The following PPARGC1A variants were observed in gnomAD, a reference collection of about 807,000 sequenced individuals.
PPARGC1A encodes peroxisome proliferator-activated receptor gamma coactivator 1-alpha.
A neutral mutation model predicts 88.7 loss-of-function variants in PPARGC1A; 25 were observed. The observed-to-expected ratio is 0.28, with a 90% CI of 0.21 to 0.39. The LOEUF is 0.39. Ranked by LOEUF, PPARGC1A falls within the 10% of genes least tolerant of loss-of-function variation. The probability of loss-of-function intolerance (pLI) is 1.00; values close to 1 mark genes in which losing one functional copy is unlikely to be tolerated. For synonymous variants in PPARGC1A, 363 were observed against 355.6 expected (o/e 1.02, Z -0.24); for missense variants, 880 against 968.7 (o/e 0.91, Z 1.22).
At chr4:24,118,171 C>T in the PPARGC1A span, among the ~76,000 whole-genome samples, 3 of 152,204 alleles carry the variant, frequency 2.0e-5, no homozygotes, top group Admixed American at 1.3e-4. Flanking sequence ...AGCATCCCAG[C>T]CATAACGTGC....
chr4:24,360,860 T>A, the PPARGC1A span, among the ~76,000 whole-genome samples: 1 of 152,238 alleles, frequency 6.6e-6, no homozygotes, highest in Non-Finnish European at 1.5e-5. Flanking sequence ...TATAGATTTG[T>A]ACCTTATATA....
the PPARGC1A span, among the ~76,000 whole-genome samples, chr4:24,367,749 T>C: frequency 1.3e-5 from 2 of 152,196 alleles, no homozygotes; most frequent in African/African-American, 4.8e-5. Context: ...TTGTTGTTTC[T>C]TTGTCGCTAG....
the PPARGC1A span, among the ~76,000 whole-genome samples, chr4:23,960,540 C>T: frequency 3.5e-5 from 4 of 114,460 alleles, no homozygotes; most frequent in Admixed American, 9.1e-5. Context: ...CATGAGCCTA[C>T]TTGGGCAAGA....
the PPARGC1A span, among the ~76,000 whole-genome samples, chr4:23,973,736 A>G: frequency 6.6e-6 from 1 of 152,136 alleles, no homozygotes; most frequent in Non-Finnish European, 1.5e-5. Context: ...CTAATTGAAT[A>G]TATGGAATCT....
the PPARGC1A span, among the ~76,000 whole-genome samples, chr4:24,114,843 G>A: frequency 5.3e-5 from 8 of 152,080 alleles, no homozygotes; most frequent in Non-Finnish European, 1.2e-4. Flanking sequence ...AAGGTGCGTG[G>A]GTAAATAGAA....
chr4:23,905,598 T>G (rs1719938792), upstream of PPARGC1A, among the ~76,000 whole-genome samples: 1 of 152,200 alleles, frequency 6.6e-6, no homozygotes, highest in Non-Finnish European at 1.5e-5. Context: ...AATACAGAAA[T>G]AGCATCCAGC....
chr4:24,185,784 C>T, the PPARGC1A span, among the ~76,000 whole-genome samples: 1 of 130,612 alleles, frequency 7.7e-6, no homozygotes, highest in South Asian at 3.1e-4. Flanking sequence ...CTATCCCTCC[C>T]CCCTCCCCCG....
the PPARGC1A span, among the ~76,000 whole-genome samples, chr4:24,357,607 T>C: frequency 6.6e-6 from 1 of 152,234 alleles, no homozygotes; most frequent in African/African-American, 2.4e-5. Context: ...CTGTTCGATA[T>C]GGTTTTGCTG....
chr4:24,139,026 G>A, the PPARGC1A span, among the ~76,000 whole-genome samples: 1 of 152,146 alleles, frequency 6.6e-6, no homozygotes, highest in Non-Finnish European at 1.5e-5. Context: ...AAAACTCTGT[G>A]GAGTTCTTCA....
upstream of PPARGC1A, among the ~76,000 whole-genome samples, chr4:23,908,129 A>G (rs922735100): frequency 6.6e-6 from 1 of 152,254 alleles, no homozygotes; most frequent in African/African-American, 2.4e-5. Flanking sequence ...GGAAAGGTAC[A>G]GTGCACATTG....
At chr4:23,964,721 C>T in the PPARGC1A span, among the ~76,000 whole-genome samples, 1 of 151,966 alleles carries the variant, frequency 6.6e-6, no homozygotes, top group East Asian at 1.9e-4. Flanking sequence ...TGAAGAGAAT[C>T]CTTTTGAGGG....
At chr4:23,809,879 G>C (rs59611692) in intron 10 of PPARGC1A, among the ~76,000 whole-genome samples, 3,012 of 152,146 alleles carry the variant, frequency 0.02, 116 homozygotes, top group African/African-American at 0.069. Flanking sequence ...CTCTGAGGAT[G>C]TTCTCCTTCA....
At chr4:23,992,095 G>A in the PPARGC1A span, among the ~76,000 whole-genome samples, 3 of 151,620 alleles carry the variant, frequency 2.0e-5, no homozygotes, top group African/African-American at 7.3e-5. Context: ...ATCAATTACT[G>A]CATTTTCCCT....
At chr4:24,067,079 CAGA>C in the PPARGC1A span, among the ~76,000 whole-genome samples, 1 of 151,864 alleles carries the variant, frequency 6.6e-6, no homozygotes, top group Non-Finnish European at 1.5e-5. Context: ...GTTCATTAGG[CAGA>C]ACAATTTATC....
At chr4:24,146,444 G>T in the PPARGC1A span, among the ~76,000 whole-genome samples, 1 of 152,222 alleles carries the variant, frequency 6.6e-6, no homozygotes, top group Non-Finnish European at 1.5e-5. Context: ...AACTCTGGAT[G>T]AGTGTCCCTG....
the PPARGC1A span, among the ~76,000 whole-genome samples, chr4:24,180,675 C>T: frequency 3.9e-5 from 6 of 152,144 alleles, no homozygotes; most frequent in African/African-American, 1.4e-4. Flanking sequence ...CTTTCCAGCA[C>T]TCATGATCTG....
At chr4:24,285,704 C>T in the PPARGC1A span, among the ~76,000 whole-genome samples, 499 of 152,350 alleles carry the variant, frequency 3.3e-3, 3 homozygotes, top group Middle Eastern at 0.017. Context: ...ATTCTTGCAA[C>T]TCAGGCATCA....
At chr4:23,867,935 T>C (rs770868236) in intron 2 of PPARGC1A, among the ~76,000 whole-genome samples, 3 of 152,192 alleles carry the variant, frequency 2.0e-5, no homozygotes, top group Non-Finnish European at 4.4e-5. Flanking sequence ...TCTGAATCCA[T>C]TGAGAGGGTC....
At chr4:23,985,175 C>T in the PPARGC1A span, among the ~76,000 whole-genome samples, 1 of 152,078 alleles carries the variant, frequency 6.6e-6, no homozygotes, top group Non-Finnish European at 1.5e-5. Flanking sequence ...AGCTGTTCTT[C>T]AGTTCTGAAG....
Sources: gnomAD v4.1 joint callset for allele counts (sites outside exome capture counted in the v4.1 genomes callset) on GRCh38, gnomAD v4.1.1 for gene constraint, MANE v1.5 for transcripts, NCBI Gene and HGNC (gene_info 2026-07-23, HGNC 2026-07-21) for gene names.